EYS: variants seen among roughly 807,000 people sequenced by gnomAD.
EYS encodes the protein EGF-like photoreceptor maintenance factor.
EYS carries 250 observed loss-of-function variants against 282.1 expected under a neutral mutation model. That is an observed-to-expected ratio of 0.89 (90% CI 0.80 to 0.98). EYS has a LOEUF of 0.98. Ranked by LOEUF, EYS falls within the 50% of genes least tolerant of loss-of-function variation. The probability of loss-of-function intolerance (pLI) is 0.00; values close to 1 mark genes in which losing one functional copy is unlikely to be tolerated. For synonymous variants in EYS, 1,355 were observed against 1,282.9 expected, an observed-to-expected ratio of 1.06 and a Z score of -1.20; for missense variants, 4,016 against 3,709.0, an observed-to-expected ratio of 1.08 and a Z score of -2.15.
At chr6:65,234,672 T>A (rs1486618392) in intron 12 of EYS, among the ~76,000 whole-genome samples, 1 of 152,170 alleles carries the variant, frequency 6.6e-6, no homozygotes, top group Non-Finnish European at 1.5e-5. Flanking sequence ...GTATTTATAA[T>A]CCAATGTAAC....
chr6:64,909,556 C>T (rs1767928961), intron 16 of EYS, among the ~76,000 whole-genome samples: 1 of 152,026 alleles, frequency 6.6e-6, no homozygotes, highest in African/African-American at 2.4e-5. Context: ...TTATTACTGT[C>T]ACATGCTCTT....
intron 22 of EYS, among the ~76,000 whole-genome samples, chr6:64,732,307 T>TAA (rs112329306): frequency 7.1e-6 from 1 of 141,606 alleles, no homozygotes; most frequent in Non-Finnish European, 1.6e-5. Context: ...CTTAAAGTAT[T>TAA]AAAAAAAAAA....
intron 26 of EYS, among the ~76,000 whole-genome samples, chr6:64,584,316 C>G (rs1766164140): frequency 6.6e-6 from 1 of 151,646 alleles, no homozygotes; most frequent in African/African-American, 2.4e-5. Context: ...TACATTTTCT[C>G]CTATAGGAAG....
chr6:64,258,044 A>G (rs1168705302), intron 30 of EYS, among the ~76,000 whole-genome samples: 3 of 152,034 alleles, frequency 2.0e-5, no homozygotes, highest in Non-Finnish European at 4.4e-5. Flanking sequence ...AGAAAAGCCC[A>G]TTGGTGTTCT....
At chr6:64,071,645 A>G (rs148264699) in intron 32 of EYS, among the ~76,000 whole-genome samples, 178 of 148,416 alleles carry the variant, frequency 1.2e-3, no homozygotes, top group Non-Finnish European at 2.3e-3. Context: ...AGCATTAGGT[A>G]TATCTCCTAA....
At chr6:64,580,219 A>T (rs767640129) in intron 26 of EYS, among the ~76,000 whole-genome samples, 3 of 152,146 alleles carry the variant, frequency 2.0e-5, no homozygotes, top group African/African-American at 7.2e-5. Context: ...CTTTGGATAA[A>T]GTATTATGTC....
intron 11 of EYS, among the ~76,000 whole-genome samples, chr6:65,317,826 CTTTCTTTCT>C (rs1769344277): frequency 1.4e-5 from 1 of 71,982 alleles, no homozygotes; most frequent in Non-Finnish European, 2.7e-5. Context: ...TCCTTCCTTC[CTTTCTTTCT>C]TTCTTTCTTT....
At chr6:64,820,474 T>A (rs942570940) in intron 21 of EYS, among the ~76,000 whole-genome samples, 1 of 152,166 alleles carries the variant, frequency 6.6e-6, no homozygotes, top group Non-Finnish European at 1.5e-5. Flanking sequence ...ACAAGATGTA[T>A]GGTTCATTCA....
chr6:64,703,394 C>A (rs1469864473), intron 22 of EYS, among the ~76,000 whole-genome samples: 1 of 28,494 alleles, frequency 3.5e-5, no homozygotes, highest in African/African-American at 9.7e-5. Context: ...CACACACACA[C>A]ACACACACAC....
intron 9 of EYS, among the ~76,000 whole-genome samples, chr6:65,349,714 T>C (rs1770529197): frequency 6.6e-6 from 1 of 151,398 alleles, no homozygotes; most frequent in South Asian, 2.1e-4. Flanking sequence ...AGTAAACACA[T>C]TGTAAAATTC....
intron 14 of EYS, among the ~76,000 whole-genome samples, chr6:64,973,020 A>C (rs1770349747): frequency 6.6e-6 from 1 of 152,044 alleles, no homozygotes; most frequent in Non-Finnish European, 1.5e-5. Context: ...TCTCCACTAT[A>C]TCAGGTATCA....
chr6:64,855,469 A>G (rs1403584866), intron 19 of EYS, among the ~76,000 whole-genome samples: 3 of 152,084 alleles, frequency 2.0e-5, no homozygotes, highest in Non-Finnish European at 4.4e-5. Context: ...TGTATTGAGT[A>G]TACTATTTTT....
intron 12 of EYS, among the ~76,000 whole-genome samples, chr6:65,198,636 T>C (rs1765826686): frequency 6.6e-6 from 1 of 152,150 alleles, no homozygotes; most frequent in African/African-American, 2.4e-5. Context: ...CAGAAAGAAG[T>C]GAGAAGCCCC....
intron 13 of EYS, among the ~76,000 whole-genome samples, chr6:65,038,718 A>T (rs1437882601): frequency 1.3e-5 from 2 of 151,468 alleles, no homozygotes; most frequent in Non-Finnish European, 3.0e-5. Context: ...ACAGTGTGTG[A>T]GACTTTGAGT....
Position 64,395,121 on chromosome 6 carries a change from G to C in EYS, c.5928-6281C>G, listed in dbSNP as rs1255363865. ...CAGTTAGAATGGCGATCATTAAAAA[G>C]TCAGGAAACAACAGGTGCTGGAGAG... On this transcript the variant is annotated intron_variant, in intron 28 of 42. Coordinates refer to ENST00000503581, the MANE Select transcript of EYS (RefSeq NM_001142800.2). Among the ~76,000 whole-genome samples the C allele has an allele frequency of 2.6e-5, 4 of 152,046 alleles. No individual in the cohort carries two copies. The South Asian group carries it at 8.3e-4, about 32-fold the overall frequency.
chr6:64,034,524 C>T lies in EYS; in HGVS notation c.6725+31814G>A, dbSNP rs117791629. 4.3e-3 allele frequency among the ~76,000 whole-genome samples: 653 copies of T among 152,298 alleles called. 4 individuals are homozygous for T. The highest frequency in any genetic ancestry group is 0.036 in the East Asian group (185 of 5,178). On this transcript the variant is annotated intron_variant, in intron 33 of 42. Coordinates refer to ENST00000503581, the MANE Select transcript of EYS (RefSeq NM_001142800.2). Reference sequence around the variant, plus strand: ...TAACTCTTATCCCAGTAGTTCCCAACGCCATCTCCACATTGGAATATCCTG... The same window carrying T: ...TAACTCTTATCCCAGTAGTTCCCAATGCCATCTCCACATTGGAATATCCTG...
At chr6:64,902,790 A>G (rs1355148945) in intron 16 of EYS, among the ~76,000 whole-genome samples, 6 of 152,160 alleles carry the variant, frequency 3.9e-5, no homozygotes, top group Non-Finnish European at 5.9e-5. Flanking sequence ...AGGTATTTAA[A>G]TGTTTGAACA....
At chr6:65,524,610 T>A (rs936179021) in intron 2 of EYS, among the ~76,000 whole-genome samples, 1 of 152,190 alleles carries the variant, frequency 6.6e-6, no homozygotes, top group Non-Finnish European at 1.5e-5. Context: ...TTACTTCAGG[T>A]TGATGGGAAG....
intron 29 of EYS, among the ~76,000 whole-genome samples, chr6:64,311,728 A>T (rs1217146575): frequency 1.3e-5 from 2 of 152,216 alleles, no homozygotes; most frequent in Non-Finnish European, 2.9e-5. Context: ...CAGCAAGCCA[A>T]AGCAGGATGG....
Sources: gnomAD v4.1 joint callset for allele counts (sites outside exome capture counted in the v4.1 genomes callset) on GRCh38, gnomAD v4.1.1 for gene constraint, MANE v1.5 for transcripts, NCBI Gene and HGNC (gene_info 2026-07-23, HGNC 2026-07-21) for gene names.